Variants in NACC2 observed in about 807,000 individuals in gnomAD.
The protein encoded by NACC2 is NACC family member 2, also known as nucleus accumbens-associated protein 2.
NACC2 carries 8 observed loss-of-function variants against 25.1 expected under a neutral mutation model. The observed-to-expected ratio is 0.32, with a 90% CI of 0.19 to 0.57. The LOEUF is 0.57. NACC2 is among the 20% of genes least tolerant of loss of function. The pLI is 0.89. For missense variants in NACC2, 644 were observed against 650.2 expected (o/e 0.99, Z 0.10); for synonymous variants, 435 against 294.7 (o/e 1.48, Z -4.88).
chr9:136,011,848 G>A lies in NACC2; in HGVS notation c.1432C>T (p.Pro478Ser), dbSNP rs751829597. Residue 478 changes from proline to serine, a missense_variant, in exon 6 of 6, where the codon CCC (proline) becomes TCC (serine). By Grantham distance (74) the Pro-to-Ser change is moderately conservative. Coordinates refer to ENST00000277554, the MANE Select transcript of NACC2 (RefSeq NM_144653.5). ...TVMGSAAASV[P>S]LDPEFPPAAA... ...GCAGGCGGGAACTCGGGGTCGAGGGGCACGCTGGCGGCGGCGGAGCCCATG... is the reference window on the plus strand; with the variant it reads ...GCAGGCGGGAACTCGGGGTCGAGGGACACGCTGGCGGCGGCGGAGCCCATG... 3 of 1,563,884 alleles carry A rather than the reference G, an allele frequency of 1.9e-6. No homozygotes were observed. The highest frequency in any genetic ancestry group is 8.6e-7 in the Non-Finnish European group (1 of 1,157,858).
At chr9:136,023,081 G>GGAAGGAGGA (rs1564220652) in intron 2 of NACC2, among the ~76,000 whole-genome samples, 1 of 56,456 alleles carries the variant, frequency 1.8e-5, no homozygotes. Context: ...GGAGGGAGGA[G>GGAAGGAGGA]GGAGGGAAGG....
chr9:136,013,785 G>T lies in NACC2; in HGVS notation c.1157+79C>A. The T allele has an allele frequency of 2.3e-6, 3 of 1,289,048 alleles. No individual in the cohort carries two copies. Among genetic ancestry groups the T allele is most frequent in the East Asian group, 2.4e-5 (1 of 40,892 alleles). The allele number at this position is 1,289,048 out of a possible 1,614,324, so 79.9% of individuals were successfully genotyped here. A position where few individuals can be genotyped will look rare whatever the true frequency, so the allele number is the denominator to read the frequency against. On this transcript the variant is annotated intron_variant, in intron 4 of 5. Coordinates refer to ENST00000277554, the MANE Select transcript of NACC2 (RefSeq NM_144653.5). The surrounding 1 kb of genome is among the most constrained non-coding windows in gnomAD (Gnocchi z 6.6). The stretch of plus-strand genomic sequence containing the variant: ...GGCTTTCAATGCCACAACCCTGGAC[G>T]ATCAGACAGCTCATAGCTAAAGGAG...
chr9:136,050,615 C>T (rs914289562), intron 1 of NACC2, 35 bp from the exon 2 acceptor site: 701 of 693,256 alleles, frequency 1.0e-3, no homozygotes, highest in Middle Eastern at 4.1e-3. Context: ...TCAGTTCCTC[C>T]AGGTCACGGG....
Position 136,011,968 on chromosome 9 carries a change from C to T in NACC2, c.1312G>A (p.Ala438Thr). 1.2e-6 allele frequency: 2 copies of T among 1,606,120 alleles called. No homozygotes were observed. Among genetic ancestry groups the T allele is most frequent in the Non-Finnish European group, 1.7e-6 (2 of 1,177,822 alleles). Residue 438 changes from alanine to threonine, a missense_variant, in exon 6 of 6, where the codon GCG (alanine) becomes ACG (threonine). Transcript: ENST00000277554. ...FKESEMNVIA[A>T]DMCTNARRVR... ...CGGCGGGCGTTGGTGCACATGTCCG[C>T]GGCGATCACGTTCATCTCGCTCTCC... is the stretch of plus-strand genomic sequence containing the variant.
intron 1 of NACC2, among the ~76,000 whole-genome samples, chr9:136,087,398 C>G (rs554599313): frequency 3.7e-4 from 56 of 152,218 alleles, no homozygotes; most frequent in Non-Finnish European, 6.6e-4. Context: ...TGGCCTGTCA[C>G]CTGCACAGCT....
rs370189464 is a variant in NACC2, at chr9:136,018,679, G to A, written c.887-2250C>T. Among the ~76,000 whole-genome samples, 11 of 151,302 alleles carry A rather than the reference G, an allele frequency of 7.3e-5. No homozygotes were observed. The highest frequency in any genetic ancestry group is 2.0e-4 in the East Asian group (1 of 5,118). ...AAAGGTGGGTGCACAGCCCCTGCCCGGCCACTACAGGGGTCAGGCAGCATT... is the reference window on the plus strand; with the variant it reads ...AAAGGTGGGTGCACAGCCCCTGCCCAGCCACTACAGGGGTCAGGCAGCATT... On this transcript the variant is annotated intron_variant, in intron 2 of 5. Transcript: ENST00000277554. The surrounding 1 kb of genome is among the most constrained non-coding windows in gnomAD (Gnocchi z 4.4).
chr9:136,012,811 C>G (rs1237541710), intron 5 of NACC2, among the ~76,000 whole-genome samples: 1 of 152,238 alleles, frequency 6.6e-6, no homozygotes, highest in Non-Finnish European at 1.5e-5. Context: ...GGCGGTCTGC[C>G]CTGGAGATGG....
Position 136,012,025 on chromosome 9 carries a change from C to A in NACC2, c.1256-1G>T. ...CTGGGGGCGAAGTTCTGACAGTACA[C>A]TGTGAGGACGGGGCGGCGTGAGCTC... On this transcript the variant is annotated splice_acceptor_variant, in intron 5 of 5. Transcript: ENST00000277554. LOFTEE classifies it high-confidence loss of function. The A allele has an allele frequency of 6.4e-7, 1 of 1,562,292 alleles. No individual in the cohort carries two copies. The highest frequency in any genetic ancestry group is 1.2e-5 in the South Asian group (1 of 85,006).
In NACC2 at chr9:136,025,630, G is replaced by C. The variant is rs541028875; in HGVS notation, c.887-9201C>G. ...AAGTCCTATTAAAAAAAAAAAAAAC[G>C]CAGCCGGGCGCAGTGGCTCATGCCT... On this transcript the variant is annotated intron_variant, in intron 2 of 5. Transcript: ENST00000277554. Among the ~76,000 whole-genome samples the C allele has an allele frequency of 8.7e-5, 13 of 149,522 alleles. No homozygotes were observed. In the South Asian group the frequency reaches 2.7e-3, roughly 32 times the overall value.
chr9:136,016,152 A>AT (rs143627408), intron 3 of NACC2, 113 bp downstream of exon 3: 15,012 of 1,117,388 alleles, frequency 0.013, 106 homozygotes, highest in Non-Finnish European at 0.013. Flanking sequence ...GAAATTTAAG[A>AT]TTTTTTTTTT....
At chr9:136,078,979 G>A (rs757549701) in intron 1 of NACC2, among the ~76,000 whole-genome samples, 31 of 152,034 alleles carry the variant, frequency 2.0e-4, no homozygotes, top group Non-Finnish European at 3.8e-4. Context: ...CGCCGCCGCC[G>A]CCCCTCTCCG....
At chr9:136,015,203 A>G (rs1840182003) in intron 3 of NACC2, among the ~76,000 whole-genome samples, 3 of 152,186 alleles carry the variant, frequency 2.0e-5, no homozygotes, top group African/African-American at 7.2e-5. Flanking sequence ...GGAGGCTGGG[A>G]TGACCGAGAG....
intron 2 of NACC2, among the ~76,000 whole-genome samples, chr9:136,024,111 G>A (rs1840338284): frequency 1.3e-5 from 2 of 151,304 alleles, no homozygotes; most frequent in South Asian, 2.1e-4. Flanking sequence ...GTGTGTGGGT[G>A]AGGACAGAGG....
intron 1 of NACC2, among the ~76,000 whole-genome samples, chr9:136,094,621 G>A (rs980970222): frequency 4.6e-5 from 7 of 152,236 alleles, no homozygotes; most frequent in African/African-American, 7.2e-5. Context: ...CCAGGCTGGG[G>A]CCCGAGTGGG....
intron 1 of NACC2, among the ~76,000 whole-genome samples, chr9:136,056,584 CT>C (rs2131167583): frequency 6.6e-6 from 1 of 152,368 alleles, no homozygotes; most frequent in South Asian, 2.1e-4. Context: ...CCTAAGGACT[CT>C]GTGGCAGAGA....
chr9:136,031,419 A>C (rs1215041342), intron 2 of NACC2, among the ~76,000 whole-genome samples: 1 of 151,974 alleles, frequency 6.6e-6, no homozygotes, highest in South Asian at 2.1e-4. Context: ...CTCACTGCAA[A>C]CTCTGCCTCC....
chr9:136,062,271 G>T (rs1297875294), intron 1 of NACC2, among the ~76,000 whole-genome samples: 1 of 152,076 alleles, frequency 6.6e-6, no homozygotes, highest in Non-Finnish European at 1.5e-5. Flanking sequence ...AACGCCAAGG[G>T]ACCACCCAGC....
intron 2 of NACC2, among the ~76,000 whole-genome samples, chr9:136,035,300 T>C (rs978842513): frequency 6.6e-6 from 1 of 151,930 alleles, no homozygotes; most frequent in South Asian, 2.1e-4. Flanking sequence ...TCACCAATAT[T>C]GAGCCAAAGT....
intron 2 of NACC2, among the ~76,000 whole-genome samples, chr9:136,032,546 CAAT>C (rs1840489713): frequency 6.6e-6 from 1 of 152,238 alleles, no homozygotes; most frequent in Admixed American, 6.5e-5. Context: ...CTGGCCAGTT[CAAT>C]GAGGCAAGAA....
Sources: allele counts gnomAD v4.1 joint callset (sites outside exome capture counted in the v4.1 genomes callset), GRCh38; gene constraint gnomAD v4.1.1; non-coding constraint Gnocchi (gnomAD v3.1); transcripts MANE v1.5; gene names NCBI Gene and HGNC (gene_info 2026-07-23, HGNC 2026-07-21).